The following DNM3 variants were observed in gnomAD, a reference collection of about 807,000 sequenced individuals.
DNM3 encodes the protein dynamin 3.
A neutral mutation model predicts 101.6 loss-of-function variants in DNM3; 47 were observed. The ratio of observed to expected loss-of-function variants is 0.46; its 90% CI spans 0.37 to 0.59. The LOEUF is 0.59. DNM3 is among the 20% of genes least tolerant of loss of function. The pLI is 0.00. For missense variants in DNM3, 849 were observed against 1,085.7 expected, an observed-to-expected ratio of 0.78 and a Z score of 3.06; for synonymous variants, 385 against 387.9, an observed-to-expected ratio of 0.99 and a Z score of 0.09.
intron 14 of DNM3, among the ~76,000 whole-genome samples, chr1:172,240,528 A>G (rs1383419333): frequency 6.6e-6 from 1 of 152,184 alleles, no homozygotes; most frequent in Non-Finnish European, 1.5e-5. Context: ...ACTTTTATTA[A>G]GTTGAACTTT....
chr1:171,883,148 G>C (rs756213552), intron 1 of DNM3, among the ~76,000 whole-genome samples: 4 of 151,560 alleles, frequency 2.6e-5, no homozygotes, highest in Non-Finnish European at 5.9e-5. Flanking sequence ...CTTTATTACA[G>C]TTACACTATC....
chr1:172,205,896 A>G lies in DNM3; in HGVS notation c.1660-47677A>G, dbSNP rs935648908. On this transcript the variant is annotated intron_variant, in intron 14 of 20. Coordinates refer to ENST00000627582, the MANE Select transcript of DNM3 (RefSeq NM_015569.5). ...CCTACCAATTAACTTTTCACAGTAC[A>G]TGACATTAAAATCTATTGATAAGTC... is the stretch of plus-strand genomic sequence containing the variant. Among the ~76,000 whole-genome samples, 8 of 152,242 alleles carry G rather than the reference A, an allele frequency of 5.3e-5. No individual in the cohort carries two copies. In the East Asian group the frequency reaches 1.5e-3, roughly 29 times the overall value.
At chr1:172,412,973 G>A (rs969866057), downstream of DNM3, among the ~76,000 whole-genome samples, 1 of 152,148 alleles carries the variant, frequency 6.6e-6, no homozygotes, top group African/African-American at 2.4e-5. Flanking sequence ...ATCGATTGAC[G>A]AACACAAACC....
chr1:171,983,584 A>G (rs954791874), intron 2 of DNM3, among the ~76,000 whole-genome samples: 1 of 152,092 alleles, frequency 6.6e-6, no homozygotes, highest in Non-Finnish European at 1.5e-5. Context: ...TGGAAAACCC[A>G]GGGCCTGGTA....
At chr1:171,984,344 G>C (rs528506223) in intron 2 of DNM3, among the ~76,000 whole-genome samples, 4 of 152,188 alleles carry the variant, frequency 2.6e-5, no homozygotes, top group Non-Finnish European at 4.4e-5. Flanking sequence ...AATGGTCCAC[G>C]GGCCCTCCAC....
chr1:172,232,790 T>C (rs1305054085), intron 14 of DNM3, among the ~76,000 whole-genome samples: 1 of 152,178 alleles, frequency 6.6e-6, no homozygotes, highest in Non-Finnish European at 1.5e-5. Flanking sequence ...GAATGACTAC[T>C]GGGTACATAA....
chr1:171,866,840 C>T (rs115587066), intron 1 of DNM3, among the ~76,000 whole-genome samples: 1,692 of 152,230 alleles, frequency 0.011, 15 homozygotes, highest in Middle Eastern at 0.051. Flanking sequence ...ATAATTCTCA[C>T]ATAGTAGGTG....
chr1:172,114,527 C>T (rs1436561376), intron 13 of DNM3, among the ~76,000 whole-genome samples: 1 of 152,190 alleles, frequency 6.6e-6, no homozygotes, highest in Non-Finnish European at 1.5e-5. Flanking sequence ...GGCAAGAGTA[C>T]AAAGGAAATA....
intron 4 of DNM3, among the ~76,000 whole-genome samples, chr1:172,031,112 T>C (rs754908298): frequency 1.3e-5 from 2 of 152,174 alleles, no homozygotes; most frequent in African/African-American, 2.4e-5. Context: ...CATATGTTTA[T>C]TGATGCACTA....
At chr1:172,263,675 A>C (rs2062752045) in intron 15 of DNM3, among the ~76,000 whole-genome samples, 1 of 152,190 alleles carries the variant, frequency 6.6e-6, no homozygotes, top group African/African-American at 2.4e-5. Flanking sequence ...CACTATCATG[A>C]GAACAGCATG....
At chr1:171,917,849 TA>T (rs1248817798) in intron 1 of DNM3, among the ~76,000 whole-genome samples, 10 of 152,226 alleles carry the variant, frequency 6.6e-5, no homozygotes, top group Non-Finnish European at 7.3e-5. Context: ...AGCATTTATT[TA>T]AAAAATGTTT....
rs561011435 is a variant in DNM3 at position 172,158,790 on chromosome 1, G to A, written c.1659+27502G>A. Among the ~76,000 whole-genome samples, 22 of 151,978 alleles carry A rather than the reference G, an allele frequency of 1.4e-4. No homozygotes were observed. The South Asian group carries it at 4.4e-3, about 30-fold the overall frequency. On this transcript the variant is annotated intron_variant, in intron 14 of 20. Coordinates refer to ENST00000627582, the MANE Select transcript of DNM3 (RefSeq NM_015569.5). ...TGATGTAAAATAGAGAAAAAGTTTT[G>A]ATACTTAAAAAAAGTGTTTACTATT... is the stretch of plus-strand genomic sequence containing the variant.
intron 12 of DNM3, among the ~76,000 whole-genome samples, chr1:172,082,291 G>T (rs1205283358): frequency 1.4e-5 from 2 of 147,306 alleles, no homozygotes; most frequent in Non-Finnish European, 3.0e-5. Context: ...GATGAAAGAT[G>T]TTTCAACTTT....
chr1:171,928,755 T>C (rs1360056974), intron 2 of DNM3, among the ~76,000 whole-genome samples: 1 of 152,162 alleles, frequency 6.6e-6, no homozygotes, highest in African/African-American at 2.4e-5. Context: ...ACTGGCTTGA[T>C]TGCTCTGGCG....
intron 13 of DNM3, among the ~76,000 whole-genome samples, chr1:172,108,073 G>C (rs2055195336): frequency 1.3e-5 from 2 of 150,054 alleles, no homozygotes; most frequent in East Asian, 3.9e-4. Flanking sequence ...CGGTGTCAAG[G>C]TACCTAAATG....
At chr1:172,231,340 G>A (rs1321476069) in intron 14 of DNM3, among the ~76,000 whole-genome samples, 1 of 152,126 alleles carries the variant, frequency 6.6e-6, no homozygotes, top group African/African-American at 2.4e-5. Flanking sequence ...ACAGGGTCTG[G>A]AGTGGACCTC....
At chr1:172,282,641 A>T (rs997714402) in intron 15 of DNM3, among the ~76,000 whole-genome samples, 5 of 152,196 alleles carry the variant, frequency 3.3e-5, no homozygotes, top group African/African-American at 4.8e-5. Flanking sequence ...GATATTCCAG[A>T]TGGGATATCT....
chr1:172,104,564 C>A (rs2054878214), intron 13 of DNM3, among the ~76,000 whole-genome samples: 1 of 151,572 alleles, frequency 6.6e-6, no homozygotes, highest in African/African-American at 2.4e-5. Flanking sequence ...ATTATATTGA[C>A]CTTTTATCAT....
At chr1:172,216,486 C>G (rs2060703911) in intron 14 of DNM3, among the ~76,000 whole-genome samples, 1 of 152,066 alleles carries the variant, frequency 6.6e-6, no homozygotes, top group South Asian at 2.1e-4. Context: ...ATGCTAAAGT[C>G]ATGACTAGAT....
Sources: allele counts gnomAD v4.1 joint callset (sites outside exome capture counted in the v4.1 genomes callset), GRCh38; gene constraint gnomAD v4.1.1; transcripts MANE v1.5; gene names NCBI Gene and HGNC (gene_info 2026-07-23, HGNC 2026-07-21).